PITPNM3: variants seen among roughly 807,000 people sequenced by gnomAD.
PITPNM3 encodes PITPNM family member 3.
Under a neutral mutation model 102.0 loss-of-function variants are expected in PITPNM3, and 26 were observed. The ratio of observed to expected loss-of-function variants is 0.25; its 90% CI spans 0.19 to 0.35. PITPNM3 has a LOEUF of 0.35. Ranked by LOEUF, PITPNM3 falls within the 10% of genes least tolerant of loss-of-function variation. PITPNM3 has a pLI of 1.00. For synonymous variants in PITPNM3, 578 were observed against 558.6 expected (o/e 1.03, Z -0.49); for missense variants, 1,083 against 1,346.1 (o/e 0.80, Z 3.06).
At chr17:6,538,998 G>A (rs573999113) in intron 1 of PITPNM3, among the ~76,000 whole-genome samples, 1 of 151,460 alleles carries the variant, frequency 6.6e-6, no homozygotes, top group South Asian at 2.1e-4. Flanking sequence ...GAAGGGAGAC[G>A]GTCAGCCCAG....
At chr17:6,476,389 T>C (rs1905300102) in intron 9 of PITPNM3, among the ~76,000 whole-genome samples, 1 of 152,234 alleles carries the variant, frequency 6.6e-6, no homozygotes, top group South Asian at 2.1e-4. Flanking sequence ...CCAAGTTCAA[T>C]TAACGTGTAA....
chr17:6,497,207 C>T (rs1003062981), intron 4 of PITPNM3, among the ~76,000 whole-genome samples: 1 of 152,156 alleles, frequency 6.6e-6, no homozygotes, highest in Non-Finnish European at 1.5e-5. Context: ...GGGCTTCACG[C>T]ATCCTGTCTG....
At chr17:6,526,610 TA>T (rs774297538) in intron 2 of PITPNM3, among the ~76,000 whole-genome samples, 3 of 152,346 alleles carry the variant, frequency 2.0e-5, no homozygotes, top group East Asian at 1.9e-4. Context: ...CAATTCTGGT[TA>T]GGACATCTCC....
At chr17:6,548,819 G>T (rs1567698350) in intron 1 of PITPNM3, among the ~76,000 whole-genome samples, 1 of 152,130 alleles carries the variant, frequency 6.6e-6, no homozygotes, top group East Asian at 1.9e-4. Flanking sequence ...CAGCTCAGAA[G>T]AGGCCTCTCA....
At chr17:6,513,036 A>G (rs1368277053) in intron 3 of PITPNM3, among the ~76,000 whole-genome samples, 1 of 152,044 alleles carries the variant, frequency 6.6e-6, no homozygotes, top group Non-Finnish European at 1.5e-5. Context: ...AGAATAAAAG[A>G]CAAAAACCAC....
At chr17:6,552,345 A>G (rs1910355828) in intron 1 of PITPNM3, among the ~76,000 whole-genome samples, 1 of 151,808 alleles carries the variant, frequency 6.6e-6, no homozygotes, top group Admixed American at 6.6e-5. Context: ...AGTGGGAGAG[A>G]GGGGCAGCCT....
Position 6,453,015 on chromosome 17 carries a change from T to TGCCTTCCTGTCTTTCTTTCTCC in PITPNM3, c.*2322_*2323insGGAGAAAGAAAGACAGGAAGGC, listed in dbSNP as rs796884237. ...CTCTGTCTTCCTTTCTCTCTCTCTC[T>TGCCTTCCTGTCTTTCTTTCTCC]CTCTCTCTGCCTTCCTGTCTTTCTT... On this transcript the variant is annotated 3_prime_UTR_variant, in exon 20 of 20. Coordinates refer to ENST00000262483, the MANE Select transcript of PITPNM3 (RefSeq NM_031220.4). The TGCCTTCCTGTCTTTCTTTCTCC allele has an allele frequency of 8.2e-6, 1 of 121,232 alleles. No homozygotes were observed. The highest frequency in any genetic ancestry group is 3.4e-5 in the African/African-American group (1 of 29,132). 7.5% of individuals were successfully genotyped at this position (121,232 alleles called of 1,614,324 possible).
chr17:6,511,532 A>C (rs1597394036), intron 3 of PITPNM3, among the ~76,000 whole-genome samples: 1 of 152,346 alleles, frequency 6.6e-6, no homozygotes, highest in Non-Finnish European at 1.5e-5. Flanking sequence ...GTGTAAAATG[A>C]AAATGTGGGT....
intron 11 of PITPNM3, among the ~76,000 whole-genome samples, chr17:6,471,731 A>C (rs1049431125): frequency 6.6e-6 from 1 of 150,656 alleles, no homozygotes; most frequent in African/African-American, 2.4e-5. Flanking sequence ...CTCTTATCCA[A>C]CTCCTCCCCT....
intron 3 of PITPNM3, among the ~76,000 whole-genome samples, chr17:6,506,854 G>C (rs930297359): frequency 5.3e-5 from 8 of 152,190 alleles, no homozygotes; most frequent in Non-Finnish European, 2.9e-5. Context: ...GTGACAGTTG[G>C]AAAGTTGAGC....
intron 3 of PITPNM3, among the ~76,000 whole-genome samples, chr17:6,519,516 C>T (rs1294577219): frequency 6.8e-6 from 1 of 146,938 alleles, no homozygotes; most frequent in Non-Finnish European, 1.5e-5. Context: ...GAGACTCCGT[C>T]TCAGAAAAAA....
intron 2 of PITPNM3, among the ~76,000 whole-genome samples, chr17:6,536,927 C>G (rs1026265942): frequency 6.6e-6 from 1 of 152,206 alleles, no homozygotes; most frequent in Non-Finnish European, 1.5e-5. Context: ...TTCTCCCCAA[C>G]TCCTCTGCAG....
chr17:6,547,882 CCAT>C (rs1268875618), intron 1 of PITPNM3, among the ~76,000 whole-genome samples: 1 of 152,130 alleles, frequency 6.6e-6, no homozygotes, highest in Non-Finnish European at 1.5e-5. Flanking sequence ...GCATGCACCA[CCAT>C]GCCTGGCTAA....
rs552188181 is a variant in PITPNM3, at chr17:6,455,659, G to GAGGGCAGGGGAGGGC, written c.2620-31_2620-17dup. On this transcript the variant is annotated splice_polypyrimidine_tract_variant and intron_variant, in intron 19 of 19. Transcript: ENST00000262483. ...CGCTCAGGAACTGCGGAGGGCAGGG[G>GAGGGCAGGGGAGGGC]AGGGCAGGGGAGGGCAGGGCAGGGC... 24 of 1,534,550 alleles carry GAGGGCAGGGGAGGGC rather than the reference G, an allele frequency of 1.6e-5. No individual in the cohort carries two copies. The African/African-American group carries it at 4.1e-4, about 26-fold the overall frequency.
At chr17:6,487,919 G>A (rs2150587343) in intron 4 of PITPNM3, among the ~76,000 whole-genome samples, 1 of 152,300 alleles carries the variant, frequency 6.6e-6, no homozygotes. Flanking sequence ...CAGGAGGAAA[G>A]AGTCTCACCT....
In PITPNM3 at chr17:6,556,312, CG is replaced by C; in HGVS notation, c.22+72del. ...ACCTGCGCGAGGGGTTCACCTGGGC[CG>C]GCGGCCCCTCCTCTAGACGCGCGAG... On this transcript the variant is annotated intron_variant, in intron 1 of 19. Transcript: ENST00000262483. This position sits in a 1 kb window ranked among gnomAD's most constrained non-coding sequence, Gnocchi z 5.2. 1 of 1,301,748 alleles carries C rather than the reference CG, an allele frequency of 7.7e-7. No homozygotes were observed. Among genetic ancestry groups the C allele is most frequent in the South Asian group, 1.5e-5 (1 of 64,526 alleles). 80.6% of individuals were successfully genotyped at this position (1,301,748 alleles called of 1,614,324 possible). A position where few individuals can be genotyped will look rare whatever the true frequency, so the allele number is the denominator to read the frequency against.
chr17:6,455,886 C>T (rs984973956), intron 19 of PITPNM3, among the ~76,000 whole-genome samples: 1 of 151,658 alleles, frequency 6.6e-6, no homozygotes, highest in Non-Finnish European at 1.5e-5. Flanking sequence ...CCTCCAGCTT[C>T]TCCAAGGAAC....
rs1265066534 is a variant in PITPNM3 at position 6,468,307 on chromosome 17, C to T, written c.1808G>A (p.Ser603Asn). The T allele has an allele frequency of 6.2e-7, 1 of 1,614,062 alleles. No individual in the cohort carries two copies. The change falls in exon 14 of 20, where the codon AGC becomes AAC. Residue 603 changes from serine to asparagine, a missense_variant. Transcript: ENST00000262483. This position sits in a 1 kb window ranked among gnomAD's most constrained non-coding sequence, Gnocchi z 5.2. Reference protein sequence around the residue: ...MRYESVNIKESARLDPAALSP... With the variant: ...MRYESVNIKENARLDPAALSP... ...CAGTGCTGCAGGGTCCAGGCGGGCG[C>T]TTTCCTTGATGTTCACGCTCTCATA...
chr17:6,479,940 T>C (rs1905561663), intron 6 of PITPNM3: 1 of 152,248 alleles, frequency 6.6e-6, no homozygotes, highest in South Asian at 2.1e-4. Flanking sequence ...CCATCCGTCT[T>C]CCTGGAGATA....
Sources: allele counts gnomAD v4.1 joint callset (sites outside exome capture counted in the v4.1 genomes callset), GRCh38; gene constraint gnomAD v4.1.1; non-coding constraint Gnocchi (gnomAD v3.1); transcripts MANE v1.5; gene names NCBI Gene and HGNC (gene_info 2026-07-23, HGNC 2026-07-21).